ETV6: variants seen among roughly 807,000 people sequenced by gnomAD.
ETV6 encodes transcription factor ETV6.
Under a neutral mutation model 51.1 loss-of-function variants are expected in ETV6, and 16 were observed. The observed-to-expected ratio is 0.31, with a 90% CI of 0.21 to 0.48. ETV6 has a LOEUF of 0.48. Among genes scored for constraint, ETV6 ranks in the 20% least tolerant of loss-of-function variants. The probability of loss-of-function intolerance (pLI) is 0.99; values close to 1 mark genes in which losing one functional copy is unlikely to be tolerated. For missense variants in ETV6, 458 were observed against 594.8 expected, an observed-to-expected ratio of 0.77 and a Z score of 2.39; for synonymous variants, 240 against 224.1, an observed-to-expected ratio of 1.07 and a Z score of -0.64.
intron 1 of ETV6, among the ~76,000 whole-genome samples, chr12:11,730,595 G>A (rs753411157): frequency 2.5e-4 from 38 of 152,326 alleles, no homozygotes; most frequent in Non-Finnish European, 4.1e-4. Flanking sequence ...GCCATGTTGC[G>A]GGGTGGACAT....
At chr12:11,708,052 A>C (rs1389299887) in intron 1 of ETV6, among the ~76,000 whole-genome samples, 1 of 152,158 alleles carries the variant, frequency 6.6e-6, no homozygotes, top group African/African-American at 2.4e-5. Context: ...TATAATTTTG[A>C]ATGTTCTGTT....
At chr12:11,753,310 G>A (rs775012070) in intron 2 of ETV6, among the ~76,000 whole-genome samples, 7 of 152,166 alleles carry the variant, frequency 4.6e-5, no homozygotes, top group Non-Finnish European at 7.3e-5. Context: ...CTCCAAAGCC[G>A]TTGACACCTG....
At chr12:11,853,323 A>G in intron 3 of ETV6, 104 bp from the exon 4 acceptor site, 1 of 1,403,244 alleles carries the variant, frequency 7.1e-7, no homozygotes, top group Non-Finnish European at 9.9e-7. Context: ...GTGCGCTCCA[A>G]TTGTATCTTT....
intron 2 of ETV6, among the ~76,000 whole-genome samples, chr12:11,816,983 G>C (rs61476381): frequency 3.3e-4 from 50 of 152,314 alleles, no homozygotes; most frequent in African/African-American, 1.1e-3. Context: ...GGCTGGATAG[G>C]GGGCAGGAAG....
chr12:11,787,564 A>AGTGT (rs1491445050), intron 2 of ETV6, among the ~76,000 whole-genome samples: 1 of 152,130 alleles, frequency 6.6e-6, no homozygotes, highest in African/African-American at 2.4e-5. Context: ...CTCTAGAGTA[A>AGTGT]GAGATTTCTG....
chr12:11,750,050 A>T (rs997408821), intron 1 of ETV6, among the ~76,000 whole-genome samples: 1 of 152,180 alleles, frequency 6.6e-6, no homozygotes, highest in Non-Finnish European at 1.5e-5. Flanking sequence ...CCTTCCTTTT[A>T]TAAGTTTTCA....
chr12:11,822,057 G>A (rs1157130171), intron 2 of ETV6, among the ~76,000 whole-genome samples: 3 of 152,210 alleles, frequency 2.0e-5, no homozygotes, highest in Admixed American at 6.5e-5. Context: ...TTCCCTGGCC[G>A]TGCACGAATG....
At chr12:11,886,159 G>A in intron 7 of ETV6, 133 bp downstream of exon 7, 1 of 677,122 alleles carries the variant, frequency 1.5e-6, no homozygotes, top group East Asian at 2.6e-5. Flanking sequence ...CTACAAACTG[G>A]ATACCAGGTA....
chr12:11,790,904 C>A (rs1435876351), intron 2 of ETV6, among the ~76,000 whole-genome samples: 1 of 152,084 alleles, frequency 6.6e-6, no homozygotes, highest in Non-Finnish European at 1.5e-5. Flanking sequence ...GGGTCTGGAA[C>A]CCCTGACCTC....
At chr12:11,750,756 C>A (rs1292281716) in intron 1 of ETV6, 2 of 458,668 alleles carry the variant, frequency 4.4e-6, no homozygotes, top group Non-Finnish European at 8.3e-6. Flanking sequence ...CCTTTAAAAA[C>A]CTCTGAACAG....
chr12:11,854,072 G>GGGA (rs747736388), intron 4 of ETV6, among the ~76,000 whole-genome samples: 1 of 152,080 alleles, frequency 6.6e-6, no homozygotes, highest in African/African-American at 2.4e-5. Context: ...TCGAATCAGT[G>GGGA]GGAGCCCTGA....
chr12:11,690,910 AAT>A (rs370514836), intron 1 of ETV6, among the ~76,000 whole-genome samples: 3 of 150,326 alleles, frequency 2.0e-5, no homozygotes, highest in African/African-American at 2.5e-5. Context: ...AAATAAATAA[AAT>A]TATATAAAAT....
intron 2 of ETV6, among the ~76,000 whole-genome samples, chr12:11,777,117 G>A (rs1371918149): frequency 6.6e-6 from 1 of 151,780 alleles, no homozygotes; most frequent in Admixed American, 6.6e-5. Flanking sequence ...GCAGGTGCCT[G>A]TAGTCCCAGC....
intron 1 of ETV6, among the ~76,000 whole-genome samples, chr12:11,684,841 T>A (rs1198971803): frequency 6.6e-6 from 1 of 152,222 alleles, no homozygotes; most frequent in African/African-American, 2.4e-5. Context: ...AAAGCCTTGG[T>A]GTTATAATAC....
intron 2 of ETV6, among the ~76,000 whole-genome samples, chr12:11,822,495 G>A (rs1468273616): frequency 6.6e-6 from 1 of 152,120 alleles, no homozygotes; most frequent in African/African-American, 2.4e-5. Flanking sequence ...ACCCTTTACT[G>A]TTCACATCCA....
At chr12:11,696,912 A>G (rs1208561592) in intron 1 of ETV6, among the ~76,000 whole-genome samples, 3 of 152,210 alleles carry the variant, frequency 2.0e-5, no homozygotes, top group African/African-American at 4.8e-5. Flanking sequence ...GGCAGAGACT[A>G]TTTCTTACAT....
intron 1 of ETV6, among the ~76,000 whole-genome samples, chr12:11,708,713 T>C (rs532525306): frequency 5.9e-5 from 9 of 152,318 alleles, no homozygotes; most frequent in African/African-American, 2.2e-4. Flanking sequence ...GTTAGTGACT[T>C]CCAGAAAGCT....
intron 2 of ETV6, among the ~76,000 whole-genome samples, chr12:11,769,703 C>G (rs918763893): frequency 2.6e-5 from 4 of 152,210 alleles, no homozygotes; most frequent in Non-Finnish European, 4.4e-5. Context: ...AGAAAATACT[C>G]TTGAAATGCT....
intron 2 of ETV6, among the ~76,000 whole-genome samples, chr12:11,788,508 C>T (rs1041883682): frequency 2.0e-5 from 3 of 152,198 alleles, no homozygotes; most frequent in African/African-American, 7.2e-5. Flanking sequence ...CCCTTTTCCT[C>T]TGAGCCATCA....
Sources: allele counts gnomAD v4.1 joint callset (sites outside exome capture counted in the v4.1 genomes callset), GRCh38; gene constraint gnomAD v4.1.1; transcripts MANE v1.5; gene names NCBI Gene and HGNC (gene_info 2026-07-23, HGNC 2026-07-21).